Variants in CD109 observed in about 807,000 individuals in gnomAD.
CD109 encodes CD109 molecule.
Under a neutral mutation model 165.8 loss-of-function variants are expected in CD109, and 149 were observed. That is an observed-to-expected ratio of 0.90 (90% CI 0.79 to 1.03). The LOEUF is 1.03. CD109 is among the 50% of genes least tolerant of loss of function. The probability of loss-of-function intolerance (pLI) is 0.00; values close to 1 mark genes in which losing one functional copy is unlikely to be tolerated. For synonymous variants in CD109, 585 were observed against 592.1 expected, an observed-to-expected ratio of 0.99 and a Z score of 0.18; for missense variants, 1,712 against 1,677.8, an observed-to-expected ratio of 1.02 and a Z score of -0.36.
At position 73,781,336 on chromosome 6, in the gene CD109, G is replaced by A. The variant is rs371288254; in HGVS notation, c.1963+17G>A. On this transcript the variant is annotated intron_variant, in intron 17 of 32. Coordinates refer to ENST00000287097, the MANE Select transcript of CD109 (RefSeq NM_133493.5). ...ATGGTGTTTGTAAGTAATACATGGC[G>A]ACATGCTTGTATTTGTCTTTCACAT... The A allele has an allele frequency of 1.4e-5, 22 of 1,597,154 alleles. No individual in the cohort carries two copies. The highest frequency in any genetic ancestry group is 6.7e-5 in the African/African-American group (5 of 74,520).
chr6:73,755,848 C>T (rs902870032), intron 5 of CD109, among the ~76,000 whole-genome samples: 12 of 151,722 alleles, frequency 7.9e-5, no homozygotes, highest in Admixed American at 2.6e-4. Flanking sequence ...GTGGTCCCAG[C>T]TAGTTGGTGG....
the CD109 span, among the ~76,000 whole-genome samples, chr6:73,687,415 A>G: frequency 7.5e-5 from 11 of 147,236 alleles, no homozygotes; most frequent in South Asian, 2.2e-4. Flanking sequence ...CTTCTTTCAC[A>G]TGCATGCTCT....
At chr6:73,786,460 A>G (rs1430231906) in intron 20 of CD109, among the ~76,000 whole-genome samples, 1 of 151,830 alleles carries the variant, frequency 6.6e-6, no homozygotes. Flanking sequence ...AATTTTTTTA[A>G]TTTTTTAATT....
intron 2 of CD109, among the ~76,000 whole-genome samples, chr6:73,709,971 C>G (rs983503934): frequency 2.6e-5 from 4 of 152,182 alleles, no homozygotes; most frequent in African/African-American, 9.6e-5. Flanking sequence ...CATGACAAAC[C>G]CACAGCCAAT....
At chr6:73,733,262 C>T (rs1772430233) in intron 4 of CD109, among the ~76,000 whole-genome samples, 1 of 152,184 alleles carries the variant, frequency 6.6e-6, no homozygotes, top group Non-Finnish European at 1.5e-5. Flanking sequence ...CTTGGCACAG[C>T]ACCACCTGCA....
the CD109 span, among the ~76,000 whole-genome samples, chr6:73,690,302 C>T: frequency 6.6e-6 from 1 of 152,152 alleles, no homozygotes; most frequent in Non-Finnish European, 1.5e-5. Context: ...AAAGTAACTT[C>T]CTAAAATGAA....
intron 2 of CD109, among the ~76,000 whole-genome samples, chr6:73,721,364 TTC>T (rs1213242956): frequency 6.6e-6 from 1 of 151,912 alleles, no homozygotes; most frequent in Non-Finnish European, 1.5e-5. Context: ...TAATTTTTAT[TTC>T]TTTTTTTTTT....
intron 11 of CD109, 35 bp downstream of exon 11, chr6:73,766,189 C>A: frequency 1.3e-6 from 2 of 1,501,596 alleles, no homozygotes; most frequent in Non-Finnish European, 1.9e-6. Flanking sequence ...GTCACTGCAA[C>A]AACACCATTA....
Position 73,697,380 on chromosome 6 carries a change from C to A in CD109, c.75-20C>A. On this transcript the variant is annotated intron_variant, in intron 1 of 32. Transcript: ENST00000287097. Reference sequence around the variant, plus strand: ...GTGAGGATAAGAAACTTTGTTTTTCCCTTGTTGGGAACTCTTTAGGCCTCG... The same window carrying A: ...GTGAGGATAAGAAACTTTGTTTTTCACTTGTTGGGAACTCTTTAGGCCTCG... 1.2e-6 allele frequency: 2 copies of A among 1,604,360 alleles called. No individual in the cohort carries two copies. Among genetic ancestry groups the A allele is most frequent in the Non-Finnish European group, 1.7e-6 (2 of 1,175,710 alleles).
At chr6:73,789,759 C>CTT (rs59475224) in intron 22 of CD109, among the ~76,000 whole-genome samples, 4 of 131,728 alleles carry the variant, frequency 3.0e-5, no homozygotes, top group Admixed American at 7.8e-5. Context: ...CGCGCCCGGC[C>CTT]TTTTTTTTTT....
chr6:73,728,119 G>A (rs888503789), intron 3 of CD109, among the ~76,000 whole-genome samples: 5 of 152,092 alleles, frequency 3.3e-5, no homozygotes, highest in African/African-American at 7.2e-5. Context: ...TCAGGAATTC[G>A]AAACCAGCCT....
At chr6:73,803,333 G>T in intron 24 of CD109, 32 bp downstream of exon 24, 1 of 1,533,406 alleles carries the variant, frequency 6.5e-7, no homozygotes, top group East Asian at 2.3e-5. Flanking sequence ...ACAAATCCGT[G>T]TCATGGAATG....
chr6:73,696,526 G>C (rs186230610), intron 1 of CD109, among the ~76,000 whole-genome samples: 2 of 152,198 alleles, frequency 1.3e-5, no homozygotes, highest in East Asian at 3.8e-4. Flanking sequence ...GCGTCTCCCC[G>C]GCCATAACAA....
Position 73,806,825 on chromosome 6 carries a change from T to G in CD109, c.2961-19T>G. The G allele has an allele frequency of 6.3e-7, 1 of 1,582,552 alleles. No homozygotes were observed. The highest frequency in any genetic ancestry group is 8.7e-7 in the Non-Finnish European group (1 of 1,155,808). ...CTTATAAAGTGTATTTTATGTAATT[T>G]TTTTCTCTTTTCATAAAGGTTGTCA... On this transcript the variant is annotated intron_variant, in intron 24 of 32. Coordinates refer to ENST00000287097, the MANE Select transcript of CD109 (RefSeq NM_133493.5).
intron 11 of CD109, 31 bp downstream of exon 11, chr6:73,766,185 G>T: frequency 6.6e-7 from 1 of 1,520,286 alleles, no homozygotes; most frequent in Non-Finnish European, 9.1e-7. Context: ...TTGTGTCACT[G>T]CAACAACACC....
At chr6:73,755,786 C>T (rs1773365347) in intron 5 of CD109, among the ~76,000 whole-genome samples, 1 of 143,896 alleles carries the variant, frequency 6.9e-6, no homozygotes, top group African/African-American at 2.6e-5. Context: ...ATGGCAAAAT[C>T]CTGTTCTACT....
intron 19 of CD109, among the ~76,000 whole-genome samples, chr6:73,784,920 G>C (rs957278834): frequency 6.6e-6 from 1 of 152,202 alleles, no homozygotes; most frequent in African/African-American, 2.4e-5. Flanking sequence ...AAGCAGATTG[G>C]TGGAGTCAAT....
chr6:73,749,821 C>G (rs1164256379), intron 5 of CD109, among the ~76,000 whole-genome samples: 1 of 152,066 alleles, frequency 6.6e-6, no homozygotes, highest in African/African-American at 2.4e-5. Context: ...AAACAAAAAT[C>G]ATCAGTATGT....
chr6:73,719,528 C>G (rs1453331838), intron 2 of CD109, among the ~76,000 whole-genome samples: 1 of 152,160 alleles, frequency 6.6e-6, no homozygotes, highest in Non-Finnish European at 1.5e-5. Context: ...AGCATGAACT[C>G]ATAGATTCTT....
Sources: gnomAD v4.1 joint callset for allele counts (sites outside exome capture counted in the v4.1 genomes callset) on GRCh38, gnomAD v4.1.1 for gene constraint, MANE v1.5 for transcripts, NCBI Gene and HGNC (gene_info 2026-07-23, HGNC 2026-07-21) for gene names.